Variants in KIF25 observed in about 807,000 individuals in gnomAD.
The protein encoded by KIF25 is kinesin-like protein KIF25.
In KIF25, 19 loss-of-function variants were observed where a neutral mutation model predicts 32.9. The observed-to-expected ratio is 0.58, with a 90% confidence interval of 0.40 to 0.85. KIF25 has a LOEUF of 0.85. Ranked by LOEUF, KIF25 falls within the 40% of genes least tolerant of loss-of-function variation. The pLI, the probability that KIF25 is intolerant of heterozygous loss-of-function variation, is 0.00. For missense variants in KIF25, 485 were observed against 507.0 expected (o/e 0.96, Z 0.42); for synonymous variants, 225 against 213.7 (o/e 1.05, Z -0.46).
At chr6:168,042,743 G>A (rs1360506245) in intron 12 of KIF25, 27 bp downstream of exon 12, 1 of 1,596,176 alleles carries the variant, frequency 6.3e-7, no homozygotes, top group East Asian at 2.2e-5. Flanking sequence ...AAATGCCCCA[G>A]GATGGGGGAC....
chr6:168,039,178 A>C (rs1799079843), intron 9 of KIF25, among the ~76,000 whole-genome samples: 1 of 152,236 alleles, frequency 6.6e-6, no homozygotes, highest in Non-Finnish European at 1.5e-5. Context: ...GTATCTTTAA[A>C]AAAACCTTCA....
At chr6:168,035,631 C>T (rs1233846603) in intron 8 of KIF25, 1 of 446,472 alleles carries the variant, frequency 2.2e-6, no homozygotes, top group East Asian at 7.1e-5. Flanking sequence ...GGATAATCAG[C>T]GTTACCAATG....
chr6:168,014,139 T>C (rs538852929), intron 4 of KIF25, among the ~76,000 whole-genome samples: 37 of 152,300 alleles, frequency 2.4e-4, no homozygotes, highest in African/African-American at 7.2e-4. Context: ...AATCCCCTCC[T>C]GTTATAAGTG....
intron 3 of KIF25, among the ~76,000 whole-genome samples, chr6:168,003,001 T>C (rs536131100): frequency 6.6e-6 from 1 of 152,326 alleles, no homozygotes; most frequent in South Asian, 2.1e-4. Context: ...GCTCAGGCAG[T>C]GATGCCAGTG....
chr6:168,028,600 C>G (rs1798897606), intron 5 of KIF25, among the ~76,000 whole-genome samples: 1 of 151,968 alleles, frequency 6.6e-6, no homozygotes, highest in South Asian at 2.1e-4. Flanking sequence ...AAAATTGTAA[C>G]AAAACTTTGG....
At chr6:168,016,162 G>A (rs950351863) in intron 4 of KIF25, among the ~76,000 whole-genome samples, 7 of 152,142 alleles carry the variant, frequency 4.6e-5, no homozygotes, top group African/African-American at 1.4e-4. Flanking sequence ...CTGTTCTTAT[G>A]GCGAGGCCAG....
intron 12 of KIF25, among the ~76,000 whole-genome samples, chr6:168,044,576 C>T (rs1364317157): frequency 1.4e-5 from 2 of 147,690 alleles, no homozygotes; most frequent in Non-Finnish European, 3.0e-5. Flanking sequence ...CGGCTGCTGA[C>T]CCTCCCGGAG....
At chr6:168,001,400 G>A (rs1355655267) in intron 2 of KIF25, among the ~76,000 whole-genome samples, 1 of 152,210 alleles carries the variant, frequency 6.6e-6, no homozygotes, top group African/African-American at 2.4e-5. Context: ...TCCTGAACTT[G>A]CCTTTTACAT....
Position 168,041,969 on chromosome 6 carries a change from C to G in KIF25, c.647C>G (p.Ala216Gly). The change falls in exon 11 of 13, where the codon GCA becomes GGA. Residue 216 changes from alanine to glycine, a missense_variant and splice_region_variant. By Grantham distance (60) the Ala-to-Gly change is moderately conservative. Transcript: ENST00000643607. The part of the protein sequence containing the change: ...LTTASCSDST[A>G]DQACSATLPR... The stretch of plus-strand genomic sequence containing the variant: ...CTCGTCGCTCCTTGGTCCCTTGCAG[C>G]AGACCAAGCCTGCAGTGCCACCCTC... The G allele has an allele frequency of 6.4e-7, 1 of 1,551,368 alleles. No homozygotes were observed. Among genetic ancestry groups the G allele is most frequent in the Non-Finnish European group, 8.7e-7 (1 of 1,147,010 alleles).
intron 4 of KIF25, among the ~76,000 whole-genome samples, chr6:168,010,494 G>C (rs1461452737): frequency 6.6e-6 from 1 of 152,092 alleles, no homozygotes; most frequent in East Asian, 1.9e-4. Context: ...TAAGACACTA[G>C]ATGTGGTTTT....
At chr6:168,041,895 CTG>C in intron 10 of KIF25, 72 bp from the exon 11 acceptor site, 1 of 1,455,354 alleles carries the variant, frequency 6.9e-7, no homozygotes, top group South Asian at 1.3e-5. Context: ...CTTCTCGGCT[CTG>C]ACTGAGGCAA....
chr6:168,026,262 G>A (rs561144906), intron 5 of KIF25, among the ~76,000 whole-genome samples: 2 of 152,276 alleles, frequency 1.3e-5, no homozygotes, highest in Admixed American at 1.3e-4. Context: ...AGTTCATGCC[G>A]ACACGTGTCT....
chr6:168,042,367 A>G (rs1241387048), intron 11 of KIF25, among the ~76,000 whole-genome samples, 194 bp from the exon 12 acceptor site: 1 of 152,166 alleles, frequency 6.6e-6, no homozygotes, highest in Middle Eastern at 3.2e-3. Context: ...CTCTGGGAAC[A>G]GAAAACCTGA....
In KIF25 at chr6:168,029,518, G is replaced by A. The variant is rs1798909235; in HGVS notation, c.-68G>A. 1.9e-6 allele frequency: 3 copies of A among 1,564,104 alleles called. No individual in the cohort carries two copies. In the East Asian group the frequency reaches 6.8e-5, roughly 35 times the overall value. On this transcript the variant is annotated 5_prime_UTR_variant, in exon 6 of 13. Coordinates refer to ENST00000643607, the MANE Select transcript of KIF25 (RefSeq NM_030615.4). ...TATACTGGCCTTCCCAGCTGACATGGACCTCAGGTCAGCTTCAGCGTGAGA... is the reference window on the plus strand; with the variant it reads ...TATACTGGCCTTCCCAGCTGACATGAACCTCAGGTCAGCTTCAGCGTGAGA...
At chr6:168,000,496 T>C (rs13216643) in intron 2 of KIF25, among the ~76,000 whole-genome samples, 312 of 10,462 alleles carry the variant, frequency 0.03, no homozygotes, top group Middle Eastern at 0.077. Context: ...CTGACCACAC[T>C]TGACCCTCCC....
At chr6:168,006,714 TC>T (rs2114869034) in intron 4 of KIF25, among the ~76,000 whole-genome samples, 1 of 152,324 alleles carries the variant, frequency 6.6e-6, no homozygotes, top group South Asian at 2.1e-4. Context: ...AAATCTCAGG[TC>T]ATGTAGGACA....
intron 8 of KIF25, among the ~76,000 whole-genome samples, chr6:168,036,445 A>G (rs372049632): frequency 2.0e-5 from 3 of 152,190 alleles, no homozygotes; most frequent in African/African-American, 7.2e-5. Context: ...AGCTGCGTGC[A>G]TTGGAATCAC....
At chr6:168,021,749 A>G (rs1273447685) in intron 5 of KIF25, among the ~76,000 whole-genome samples, 1 of 152,216 alleles carries the variant, frequency 6.6e-6, no homozygotes, top group Admixed American at 6.5e-5. Context: ...AGTCTTATCT[A>G]AGGCATCTGT....
At chr6:168,017,931 G>C (rs921048900) in intron 4 of KIF25, 42 bp from the exon 5 acceptor site, 1 of 152,468 alleles carries the variant, frequency 6.6e-6, no homozygotes, top group Non-Finnish European at 1.5e-5. Flanking sequence ...AATTAACGCA[G>C]CACACAAAGT....
Sources: allele counts gnomAD v4.1 joint callset (sites outside exome capture counted in the v4.1 genomes callset), GRCh38; gene constraint gnomAD v4.1.1; transcripts MANE v1.5; gene names NCBI Gene and HGNC (gene_info 2026-07-23, HGNC 2026-07-21).